The following ZC3H12D variants were observed in gnomAD, a reference collection of about 807,000 sequenced individuals.
ZC3H12D encodes the protein probable ribonuclease ZC3H12D.
ZC3H12D carries 11 observed loss-of-function variants against 24.2 expected under a neutral mutation model. The ratio of observed to expected loss-of-function variants is 0.46; its 90% CI spans 0.29 to 0.75. The LOEUF is 0.75. ZC3H12D is among the 30% of genes least tolerant of loss of function. The probability of loss-of-function intolerance (pLI) is 0.11; values close to 1 mark genes in which losing one functional copy is unlikely to be tolerated. For missense variants in ZC3H12D, 740 were observed against 767.7 expected, an observed-to-expected ratio of 0.96 and a Z score of 0.43; for synonymous variants, 333 against 341.8, an observed-to-expected ratio of 0.97 and a Z score of 0.28.
intron 3 of ZC3H12D, chr6:149,459,478 C>G (rs1776038085): frequency 1.5e-6 from 1 of 665,062 alleles, no homozygotes; most frequent in Admixed American, 2.3e-5. Flanking sequence ...GATTGTGCAG[C>G]ATGGAGGGAA....
chr6:149,463,855 C>A (rs1455614080), intron 2 of ZC3H12D, among the ~76,000 whole-genome samples: 1 of 152,202 alleles, frequency 6.6e-6, no homozygotes, highest in East Asian at 1.9e-4. Flanking sequence ...GACTCAAGAT[C>A]TCTGGCTTGT....
Position 149,451,003 on chromosome 6 carries a change from G to T in ZC3H12D, c.1264C>A (p.Leu422Met), listed in dbSNP as rs781439381. Reference protein sequence around the residue: ...QPRGEHRPRDLHGDLLSPRRP... With the variant: ...QPRGEHRPRDMHGDLLSPRRP... The stretch of plus-strand genomic sequence containing the variant: ...CGCGGGGAAAGCAAGTCGCCGTGCA[G>T]GTCCCTAGGGCGGTGTTCGCCCCGC... The change falls in exon 6 of 6, where the codon CTG (leucine) becomes ATG (methionine). Residue 422 changes from leucine to methionine, a missense_variant. Leu to Met is a conservative substitution (Grantham distance 15). Transcript: ENST00000409806. 6.6e-7 allele frequency: 1 copy of T among 1,506,394 alleles called. No individual in the cohort carries two copies. Among genetic ancestry groups the T allele is most frequent in the Non-Finnish European group, 8.8e-7 (1 of 1,132,534 alleles). 93.3% of individuals were successfully genotyped at this position (1,506,394 alleles called of 1,614,324 possible).
intron 3 of ZC3H12D, among the ~76,000 whole-genome samples, chr6:149,461,513 T>G (rs1179425810): frequency 6.6e-6 from 1 of 152,176 alleles, no homozygotes; most frequent in Non-Finnish European, 1.5e-5. Flanking sequence ...TCTCTTCAGG[T>G]GTTAAAAGTT....
intron 2 of ZC3H12D, among the ~76,000 whole-genome samples, chr6:149,469,835 G>A (rs1776217493): frequency 6.6e-6 from 1 of 152,178 alleles, no homozygotes; most frequent in Non-Finnish European, 1.5e-5. Context: ...CCTGCCTGCA[G>A]CTGACAAGTC....
chr6:149,472,560 G>A (rs1318704299), intron 2 of ZC3H12D, among the ~76,000 whole-genome samples: 1 of 142,746 alleles, frequency 7.0e-6, no homozygotes, highest in Non-Finnish European at 1.5e-5. Flanking sequence ...GGCAGAGGTG[G>A]GGGATCAATG....
Position 149,474,657 on chromosome 6 carries a change from A to C in ZC3H12D, c.-70-44T>G, listed in dbSNP as rs1018125525. 25 of 1,070,458 alleles carry C rather than the reference A, an allele frequency of 2.3e-5. No homozygotes were observed. The Admixed American group carries it at 4.8e-4, about 20-fold the overall frequency. 66.3% of individuals were successfully genotyped at this position (1,070,458 alleles called of 1,614,324 possible). A position where few individuals can be genotyped will look rare whatever the true frequency, so the allele number is the denominator to read the frequency against. On this transcript the variant is annotated intron_variant, in intron 1 of 5. Coordinates refer to ENST00000409806, the MANE Select transcript of ZC3H12D (RefSeq NM_207360.3). ...CATCCATCAGGTGTTTCCTGGGCAGACTGGGGCAAGGGCAAGGTGTGCCTG... is the reference window on the plus strand; with the variant it reads ...CATCCATCAGGTGTTTCCTGGGCAGCCTGGGGCAAGGGCAAGGTGTGCCTG...
Position 149,474,304 on chromosome 6 carries a change from C to T in ZC3H12D, c.240G>A (p.Glu80=). 1.3e-6 allele frequency: 2 copies of T among 1,576,458 alleles called. No homozygotes were observed. The highest frequency in any genetic ancestry group is 1.7e-6 in the Non-Finnish European group (2 of 1,156,676). The change falls in exon 2 of 6, where the codon GAG becomes GAA. Residue 80 remains glutamate (E), a synonymous_variant. Coordinates refer to ENST00000409806, the MANE Select transcript of ZC3H12D (RefSeq NM_207360.3). ...AQRGPGTALE[E]DFRTLASSLR... ...GAGAACTGGCCAGGGTTCTGAAGTC[C>T]TCTTCCAGGGCTGTCCCCGGGCCAC... is the stretch of plus-strand genomic sequence containing the variant.
intron 4 of ZC3H12D, among the ~76,000 whole-genome samples, chr6:149,455,677 C>A (rs1452101990): frequency 1.3e-5 from 2 of 152,166 alleles, no homozygotes; most frequent in African/African-American, 4.8e-5. Context: ...ATGAACCAGC[C>A]AGGTTCTCTT....
chr6:149,467,377 CAA>C (rs1776179261), intron 2 of ZC3H12D, among the ~76,000 whole-genome samples: 1 of 152,118 alleles, frequency 6.6e-6, no homozygotes, highest in Non-Finnish European at 1.5e-5. Flanking sequence ...CTCAGCCTCC[CAA>C]GTCGCTGGGA....
Position 149,485,008 on chromosome 6 carries a change from T to A in ZC3H12D, c.-266A>T, listed in dbSNP as rs1056054770. 2.6e-5 allele frequency: 4 copies of A among 151,750 alleles called. No homozygotes were observed. The highest frequency in any genetic ancestry group is 9.7e-5 in the African/African-American group (4 of 41,292). The allele number at this position is 151,750 out of a possible 1,614,324, so 9.4% of individuals were successfully genotyped here. On this transcript the variant is annotated 5_prime_UTR_variant, in exon 1 of 6. Coordinates refer to ENST00000409806, the MANE Select transcript of ZC3H12D (RefSeq NM_207360.3). ...CCACTTCCTGCACGCCACAGTCACG[T>A]TCAGCTGCAAAAGTAGTTATGCTTT...
At chr6:149,472,579 C>T (rs1353530871) in intron 2 of ZC3H12D, among the ~76,000 whole-genome samples, 1 of 151,932 alleles carries the variant, frequency 6.6e-6, no homozygotes, top group African/African-American at 2.4e-5. Context: ...TGGATGTACC[C>T]ACGACACATT....
At chr6:149,472,789 T>C (rs1430073942) in intron 2 of ZC3H12D, among the ~76,000 whole-genome samples, 3 of 152,148 alleles carry the variant, frequency 2.0e-5, no homozygotes, top group Non-Finnish European at 1.5e-5. Flanking sequence ...CATACAACCT[T>C]AGGGCTGGGA....
intron 1 of ZC3H12D, among the ~76,000 whole-genome samples, chr6:149,481,407 C>T (rs935866957): frequency 9.4e-5 from 14 of 149,706 alleles, no homozygotes; most frequent in Admixed American, 9.3e-4. Flanking sequence ...GAGAGTTTTG[C>T]TCTGTCGCCC....
chr6:149,457,645 C>G (rs1453740350), intron 3 of ZC3H12D, among the ~76,000 whole-genome samples: 2 of 152,142 alleles, frequency 1.3e-5, no homozygotes, highest in Non-Finnish European at 2.9e-5. Flanking sequence ...AGTGCGAGTT[C>G]TTGCAAAAAC....
rs1350937088 is a variant in ZC3H12D, at chr6:149,456,731, G to A, written c.615C>T (p.Ser205=). ...VSNDNYRDLQ[S]ENPEWKWFIE... ...TGAACCACTTCCACTCGGGGTTCTC[G>A]CTCTGCAGGTCCCGGTAGTTGTCGT... is the stretch of plus-strand genomic sequence containing the variant. Residue 205 remains serine (S), a synonymous_variant, in exon 4 of 6, where the codon AGC becomes AGT. Transcript: ENST00000409806. This position sits in a 1 kb window ranked among gnomAD's most constrained non-coding sequence, Gnocchi z 4.3. The A allele has an allele frequency of 6.2e-7, 1 of 1,613,778 alleles. No individual in the cohort carries two copies. The highest frequency in any genetic ancestry group is 1.7e-5 in the Admixed American group (1 of 60,030).
chr6:149,462,181 C>T lies in ZC3H12D; in HGVS notation c.306-211G>A, dbSNP rs560670700. Among the ~76,000 whole-genome samples the T allele has an allele frequency of 2.0e-5, 3 of 152,216 alleles. No homozygotes were observed. In the South Asian group the frequency reaches 6.2e-4, roughly 32 times the overall value. ...TTGAGGTCAGGAGTTTGAGATCAGC[C>T]TGGCCAACATGGTGAAACCCCATCT... On this transcript the variant is annotated intron_variant, in intron 2 of 5. Coordinates refer to ENST00000409806, the MANE Select transcript of ZC3H12D (RefSeq NM_207360.3).
At chr6:149,451,528 G>A (rs1235682198) in intron 5 of ZC3H12D, 49 bp from the exon 6 acceptor site, 3 of 1,474,860 alleles carry the variant, frequency 2.0e-6, no homozygotes, top group Non-Finnish European at 2.7e-6. Flanking sequence ...CCGGGGGCGC[G>A]GAGGGGCGGT....
chr6:149,470,090 T>A (rs1776221688), intron 2 of ZC3H12D, among the ~76,000 whole-genome samples: 1 of 152,138 alleles, frequency 6.6e-6, no homozygotes. Flanking sequence ...CCAGGCGCGG[T>A]GGCTCACACC....
chr6:149,480,829 T>C (rs1031772467), intron 1 of ZC3H12D, among the ~76,000 whole-genome samples: 8 of 148,658 alleles, frequency 5.4e-5, no homozygotes, highest in African/African-American at 2.0e-4. Flanking sequence ...TGAAGAGAAC[T>C]GAACTGCACA....
Sources: gnomAD v4.1 joint callset for allele counts (sites outside exome capture counted in the v4.1 genomes callset) on GRCh38, gnomAD v4.1.1 for gene constraint, Gnocchi (gnomAD v3.1) non-coding constraint, MANE v1.5 for transcripts, NCBI Gene and HGNC (gene_info 2026-07-23, HGNC 2026-07-21) for gene names.